PCDH11X: variants seen among roughly 807,000 people sequenced by gnomAD.
The protein encoded by PCDH11X is protocadherin 11 X-linked.
PCDH11X carries 18 observed loss-of-function variants against 53.3 expected under a neutral mutation model. The observed-to-expected ratio is 0.34, with a 90% CI of 0.23 to 0.50. The LOEUF is 0.50. Among genes scored for constraint, PCDH11X ranks in the 20% least tolerant of loss-of-function variants. PCDH11X has a pLI of 0.98. For synonymous variants in PCDH11X, 279 were observed against 393.3 expected (o/e 0.71, Z 3.44); for missense variants, 570 against 1,032.4 (o/e 0.55, Z 6.14).
intron 6 of PCDH11X, among the ~76,000 whole-genome samples, chrX:92,121,094 TTAG>T (rs1169382392): frequency 9.0e-6 from 1 of 111,712 alleles, no homozygotes; most frequent in Non-Finnish European, 1.9e-5. Context: ...TTTTTAAATT[TTAG>T]TAGCATGATC....
intron 6 of PCDH11X, among the ~76,000 whole-genome samples, chrX:91,926,076 GCACACACACACA>G (rs4022270): frequency 0.016 from 1,335 of 83,124 alleles, 34 homozygotes; most frequent in African/African-American, 0.057. Flanking sequence ...ACACAAACAC[GCACACACACACA>G]CACACACACA....
chrX:92,488,341 G>A (rs973162145), intron 10 of PCDH11X, among the ~76,000 whole-genome samples: 2 of 111,426 alleles, frequency 1.8e-5, no homozygotes, highest in Non-Finnish European at 3.8e-5. Context: ...TCTTGTCTGA[G>A]TTGTTCACCT....
At chrX:92,076,484 G>A (rs989287905) in intron 6 of PCDH11X, among the ~76,000 whole-genome samples, 2 of 107,749 alleles carry the variant, frequency 1.9e-5, no homozygotes, top group African/African-American at 7.0e-5. Flanking sequence ...TCTCTGTTGG[G>A]TTTTACTGAG....
intron 9 of PCDH11X, among the ~76,000 whole-genome samples, chrX:92,412,441 AG>A (rs2071698011): frequency 1.0e-5 from 1 of 97,841 alleles, no homozygotes; most frequent in Non-Finnish European, 2.0e-5. Context: ...ACACTGTCAC[AG>A]GGGGCTTTAA....
intron 7 of PCDH11X, among the ~76,000 whole-genome samples, chrX:92,234,830 A>AT (rs2067141706): frequency 9.0e-6 from 1 of 111,449 alleles, no homozygotes; most frequent in Non-Finnish European, 1.9e-5. Context: ...AGGAGGAATA[A>AT]TTTTTATTAT....
At chrX:92,508,911 A>T (rs1218668473) in intron 10 of PCDH11X, among the ~76,000 whole-genome samples, 8 of 106,036 alleles carry the variant, frequency 7.5e-5, no homozygotes, top group Non-Finnish European at 1.6e-4. Flanking sequence ...CCATTTATTC[A>T]TATTGGCTAT....
chrX:92,163,903 A>C (rs1302121036), intron 6 of PCDH11X, among the ~76,000 whole-genome samples: 1 of 111,278 alleles, frequency 9.0e-6, no homozygotes, highest in Admixed American at 9.5e-5. Flanking sequence ...TTCATATTTT[A>C]CAACTTCAAA....
intron 8 of PCDH11X, among the ~76,000 whole-genome samples, chrX:92,269,335 CA>C (rs1276657539): frequency 9.0e-6 from 1 of 111,603 alleles, no homozygotes; most frequent in Non-Finnish European, 1.9e-5. Flanking sequence ...ATTAAAAAAT[CA>C]AAAAAATTAT....
chrX:92,140,528 A>G (rs1165029636), intron 6 of PCDH11X, among the ~76,000 whole-genome samples: 1 of 111,928 alleles, frequency 8.9e-6, no homozygotes, highest in Non-Finnish European at 1.9e-5. Context: ...TGTAAAAATA[A>G]AGTTATGATT....
At chrX:92,284,616 C>A (rs1442668152) in intron 8 of PCDH11X, among the ~76,000 whole-genome samples, 1 of 112,193 alleles carries the variant, frequency 8.9e-6, no homozygotes, top group African/African-American at 3.2e-5. Flanking sequence ...GGATGAGAAC[C>A]ATTTTTGCTG....
At chrX:91,799,644 G>C (rs2147536446) in intron 1 of PCDH11X, among the ~76,000 whole-genome samples, 2 of 112,259 alleles carry the variant, frequency 1.8e-5, no homozygotes, top group East Asian at 5.6e-4. Flanking sequence ...GTATTATTCA[G>C]AGTAGAACTG....
At chrX:92,278,271 G>A (rs2068155706) in intron 8 of PCDH11X, among the ~76,000 whole-genome samples, 1 of 111,397 alleles carries the variant, frequency 9.0e-6, no homozygotes, top group African/African-American at 3.3e-5. Context: ...GAGGACCTGA[G>A]GTCCTAGGTG....
chrX:92,167,408 T>A, intron 6 of PCDH11X, among the ~76,000 whole-genome samples: 1 of 111,883 alleles, frequency 8.9e-6, no homozygotes, highest in East Asian at 2.8e-4. Context: ...ATTTTAGTAA[T>A]TTTTTGTGTG....
At chrX:92,537,274 C>T in intron 10 of PCDH11X, among the ~76,000 whole-genome samples, 1 of 106,208 alleles carries the variant, frequency 9.4e-6, no homozygotes, top group Non-Finnish European at 1.9e-5. Flanking sequence ...GAAATTTTGG[C>T]CCAGACCAAT....
intron 9 of PCDH11X, among the ~76,000 whole-genome samples, chrX:92,394,338 T>C (rs2071198834): frequency 9.0e-6 from 1 of 110,845 alleles, no homozygotes; most frequent in Admixed American, 9.7e-5. Context: ...AGCAATCTCT[T>C]ATCTTGTCTT....
intron 7 of PCDH11X, among the ~76,000 whole-genome samples, chrX:92,246,193 A>G (rs2067346569): frequency 8.9e-6 from 1 of 111,765 alleles, no homozygotes; most frequent in African/African-American, 3.2e-5. Context: ...ATAATTATTC[A>G]TGCATATTTC....
At chrX:92,004,808 C>A (rs1340098719) in intron 6 of PCDH11X, among the ~76,000 whole-genome samples, 1 of 85,535 alleles carries the variant, frequency 1.2e-5, no homozygotes, top group Non-Finnish European at 2.1e-5. Flanking sequence ...TGGAGTCTCG[C>A]TCTGTCACCC....
chrX:92,007,877 A>G lies in PCDH11X; in HGVS notation c.3033+128604A>G, dbSNP rs1276865451. 3.6e-5 allele frequency among the ~76,000 whole-genome samples: 4 copies of G among 110,672 alleles called. No homozygotes were observed. The Admixed American group carries it at 3.9e-4, about 11-fold the overall frequency. ...TTAGCAGACGATAAAAGCTGGCAGG[A>G]ATGGGTCCTTTCCTTCAAGGCAGCA... On this transcript the variant is annotated intron_variant, in intron 6 of 10. Coordinates refer to ENST00000682573, the MANE Select transcript of PCDH11X (RefSeq NM_032968.5).
chrX:92,331,341 C>CTTCTTCTTCTTCTTTT (rs1329567733), intron 8 of PCDH11X, among the ~76,000 whole-genome samples: 1 of 35,862 alleles, frequency 2.8e-5, no homozygotes, highest in Non-Finnish European at 4.5e-5. Flanking sequence ...TTCCTTCCTT[C>CTTCTTCTTCTTCTTTT]CTTTTCCCCC....
Sources: allele counts gnomAD v4.1 joint callset (sites outside exome capture counted in the v4.1 genomes callset), GRCh38; gene constraint gnomAD v4.1.1; transcripts MANE v1.5; gene names NCBI Gene and HGNC (gene_info 2026-07-23, HGNC 2026-07-21).